Variants in ZIM2 observed in about 807,000 individuals in gnomAD.
ZIM2 encodes the protein zinc finger imprinted 2, also known as zinc finger protein 656.
A neutral mutation model predicts 38.6 loss-of-function variants in ZIM2; 14 were observed. The ratio of observed to expected loss-of-function variants is 0.36; its 90% CI spans 0.24 to 0.57. The LOEUF (loss-of-function observed/expected upper bound fraction) is 0.57. ZIM2 is among the 20% of genes least tolerant of loss of function. ZIM2 has a pLI of 0.81. For missense variants in ZIM2, 680 were observed against 695.1 expected, an observed-to-expected ratio of 0.98 and a Z score of 0.24; for synonymous variants, 247 against 245.8, an observed-to-expected ratio of 1.00 and a Z score of -0.04.
chr19:56,832,218 C>T (rs553432145), intron 2 of ZIM2, among the ~76,000 whole-genome samples: 6 of 152,286 alleles, frequency 3.9e-5, no homozygotes, highest in South Asian at 2.1e-4. Context: ...TGTTTCCTAG[C>T]GTGTTTGTTT....
chr19:56,779,406 G>T lies in ZIM2; in HGVS notation c.806C>A (p.Thr269Lys), dbSNP rs2046204546. Residue 269 changes from threonine to lysine, a missense_variant, in exon 12 of 13, where the codon ACA (threonine) becomes AAA (lysine). Thr to Lys is a moderately conservative substitution (Grantham distance 78, BLOSUM62 -1). Transcript: ENST00000629319. ...LEEEESYAMETDSRHTVICQG... is the reference protein window; with the variant it reads ...LEEEESYAMEKDSRHTVICQG... ...ACAAATCACTGTATGTCTGCTGTCTGTCTCCATTGCATATGATTCCTCCTC... is the reference window on the plus strand; with the variant it reads ...ACAAATCACTGTATGTCTGCTGTCTTTCTCCATTGCATATGATTCCTCCTC... 3 of 1,613,884 alleles carry T rather than the reference G, an allele frequency of 1.9e-6. No homozygotes were observed. Among genetic ancestry groups the T allele is most frequent in the Non-Finnish European group, 2.5e-6 (3 of 1,179,888 alleles).
rs2046207822 is a variant in ZIM2 at position 56,779,466 on chromosome 19, T to G, written c.746A>C (p.Gln249Pro). The change falls in exon 12 of 13, where the codon CAG becomes CCG. Residue 249 changes from glutamine (Q) to proline (P), a missense_variant. Physicochemically the swap from Gln to Pro is moderately conservative, Grantham distance 76. Coordinates refer to ENST00000629319, the MANE Select transcript of ZIM2 (RefSeq NM_001387356.1). ...NYRNLVSLGHQFSKPDIISRL... is the reference protein window; with the variant it reads ...NYRNLVSLGHPFSKPDIISRL... ...TGAGATAATGTCAGGTTTAGAGAAC[T>G]GGTGCCCTGTTGGAGAGGAAGACTG... 2 of 1,613,834 alleles carry G rather than the reference T, an allele frequency of 1.2e-6. No homozygotes were observed. Among genetic ancestry groups the G allele is most frequent in the East Asian group, 4.5e-5 (2 of 44,874 alleles).
rs543668468 is a variant in ZIM2, at chr19:56,818,769, T to C, written c.295-67A>G. On this transcript the variant is annotated intron_variant, in intron 7 of 12. Transcript: ENST00000629319. ...ACCGATGTTCAAAGACAGAATAATGTTGGCAACATGGGAGTTACATATATG... is the reference window on the plus strand; with the variant it reads ...ACCGATGTTCAAAGACAGAATAATGCTGGCAACATGGGAGTTACATATATG... 14 of 1,558,762 alleles carry C rather than the reference T, an allele frequency of 9.0e-6. No individual in the cohort carries two copies. The Admixed American group carries it at 1.0e-4, about 11-fold the overall frequency.
intron 1 of ZIM2, among the ~76,000 whole-genome samples, chr19:56,837,305 C>G (rs781049003): frequency 2.0e-5 from 3 of 152,102 alleles, no homozygotes; most frequent in Non-Finnish European, 2.9e-5. Context: ...ATGCACTGCC[C>G]CTCTCAGGAC....
At chr19:56,803,666 G>A (rs2047630814) in intron 9 of ZIM2, among the ~76,000 whole-genome samples, 1 of 152,222 alleles carries the variant, frequency 6.6e-6, no homozygotes, top group Admixed American at 6.5e-5. Flanking sequence ...AAGAAAACCA[G>A]CCCACATGGC....
intron 12 of ZIM2, among the ~76,000 whole-genome samples, chr19:56,777,621 G>A (rs2046089616): frequency 6.6e-6 from 1 of 152,202 alleles, no homozygotes; most frequent in Admixed American, 6.5e-5. Context: ...GTAGCCATTA[G>A]CCACATGTTG....
At chr19:56,779,148 G>A (rs78082763) in intron 12 of ZIM2, among the ~76,000 whole-genome samples, 2 of 152,178 alleles carry the variant, frequency 1.3e-5, no homozygotes, top group East Asian at 1.9e-4. Flanking sequence ...ATGAGTGGAC[G>A]GAAGGGCTGG....
At chr19:56,799,967 A>C (rs2047430994) in intron 9 of ZIM2, among the ~76,000 whole-genome samples, 2 of 152,244 alleles carry the variant, frequency 1.3e-5, no homozygotes, top group African/African-American at 4.8e-5. Flanking sequence ...CATTCATGCT[A>C]ATTCTACAAC....
intron 9 of ZIM2, chr19:56,815,409 G>C: frequency 1.2e-6 from 2 of 1,614,104 alleles, no homozygotes; most frequent in South Asian, 2.2e-5. Context: ...GGTCAGTAGG[G>C]GCCAAGCTGC....
intron 9 of ZIM2, 63 bp from the exon 10 acceptor site, chr19:56,790,014 G>A: frequency 1.5e-6 from 2 of 1,364,784 alleles, no homozygotes; most frequent in Admixed American, 4.6e-5. Context: ...CAGACACAGT[G>A]GCCAGCCACC....
At chr19:56,824,112 G>T in intron 4 of ZIM2, 150 bp downstream of exon 4, 1 of 1,340,412 alleles carries the variant, frequency 7.5e-7, no homozygotes, top group Admixed American at 2.6e-5. Context: ...TCATGATGCA[G>T]CTCAATATCC....
At chr19:56,785,618 C>A (rs999334955) in intron 10 of ZIM2, among the ~76,000 whole-genome samples, 1 of 152,164 alleles carries the variant, frequency 6.6e-6, no homozygotes, top group Admixed American at 6.5e-5. Flanking sequence ...TAAGCCACAC[C>A]CTTTGTGTGG....
chr19:56,782,621 G>T (rs2046382845), intron 10 of ZIM2: 1 of 333,550 alleles, frequency 3.0e-6, no homozygotes, highest in Non-Finnish European at 5.9e-6. Context: ...TAAGAAGTGG[G>T]ACAATACCAA....
chr19:56,803,295 T>C (rs111809427), intron 9 of ZIM2, among the ~76,000 whole-genome samples: 74 of 152,336 alleles, frequency 4.9e-4, no homozygotes, highest in Non-Finnish European at 8.7e-4. Context: ...TTAGAGGTGA[T>C]GGTGAAGTGT....
At position 56,835,896 on chromosome 19, in the gene ZIM2, G is replaced by A. The variant is rs1020079744; in HGVS notation, c.-227+122C>T. The A allele has an allele frequency of 6.8e-5, 27 of 398,282 alleles. No homozygotes were observed. In the East Asian group the frequency reaches 1.9e-3, roughly 29 times the overall value. 24.7% of individuals were successfully genotyped at this position (398,282 alleles called of 1,614,324 possible). ...CAGAAGAGTCTGGGTGTTCTCAGAG[G>A]GCACAAATGGTGCTGGGGTGGCTAT... is the stretch of plus-strand genomic sequence containing the variant. On this transcript the variant is annotated intron_variant, in intron 2 of 12. Transcript: ENST00000629319.
At chr19:56,831,649 C>G (rs553367195) in intron 2 of ZIM2, among the ~76,000 whole-genome samples, 22 of 152,242 alleles carry the variant, frequency 1.4e-4, no homozygotes, top group Non-Finnish European at 2.4e-4. Flanking sequence ...GGAATGAAAA[C>G]AAAGTATTTA....
At chr19:56,813,639 C>T in intron 9 of ZIM2, 3 of 1,582,920 alleles carry the variant, frequency 1.9e-6, no homozygotes, top group Non-Finnish European at 2.6e-6. Flanking sequence ...AGGGTCAAGT[C>T]CTAGGTGAAG....
chr19:56,774,562 A>G lies in ZIM2; in HGVS notation c.*126T>C, dbSNP rs1280974630. On this transcript the variant is annotated 3_prime_UTR_variant, in exon 13 of 13. Transcript: ENST00000629319. ...AAATTGCAACTTTTTTTTTTTTTTT[A>G]CCACACTTTGATGAATGTTCAAGTT... The G allele has an allele frequency of 2.4e-6, 3 of 1,235,308 alleles. No homozygotes were observed. The African/African-American group carries it at 4.8e-5, about 20-fold the overall frequency. The allele number at this position is 1,235,308 out of a possible 1,614,324, so 76.5% of individuals were successfully genotyped here. A position where few individuals can be genotyped will look rare whatever the true frequency, so the allele number is the denominator to read the frequency against.
chr19:56,827,247 C>A (rs901385493), intron 2 of ZIM2, among the ~76,000 whole-genome samples: 12 of 152,112 alleles, frequency 7.9e-5, no homozygotes, highest in African/African-American at 2.9e-4. Context: ...ATGCCAACTT[C>A]TGTGCCAAAA....
Sources: gnomAD v4.1 joint callset for allele counts (sites outside exome capture counted in the v4.1 genomes callset) on GRCh38, gnomAD v4.1.1 for gene constraint, MANE v1.5 for transcripts, NCBI Gene and HGNC (gene_info 2026-07-23, HGNC 2026-07-21) for gene names.